Variants in EXOC7 observed in about 807,000 individuals in gnomAD.
The protein encoded by EXOC7 is exocyst complex component Exo70.
EXOC7 carries 51 observed loss-of-function variants against 87.6 expected under a neutral mutation model. The ratio of observed to expected loss-of-function variants is 0.58; its 90% confidence interval spans 0.46 to 0.73. EXOC7 has a LOEUF of 0.73. Ranked by LOEUF, EXOC7 falls within the 30% of genes least tolerant of loss-of-function variation. The probability of loss-of-function intolerance (pLI) is 0.00; values close to 1 mark genes in which losing one functional copy is unlikely to be tolerated. For synonymous variants in EXOC7, 327 were observed against 357.1 expected, an observed-to-expected ratio of 0.92 and a Z score of 0.95; for missense variants, 744 against 888.4, an observed-to-expected ratio of 0.84 and a Z score of 2.07.
At chr17:76,083,954 G>GGCCCC in intron 18 of EXOC7, 52 bp downstream of exon 18, 3 of 1,500,156 alleles carry the variant, frequency 2.0e-6, no homozygotes, top group Non-Finnish European at 2.7e-6. Context: ...AGCTTGAAGA[G>GGCCCC]GCCCACTGGG....
At position 76,103,751 on chromosome 17, in the gene EXOC7, C is replaced by T. The variant is rs1431217722; in HGVS notation, c.-59G>A. ...TCTTTCCTCCGCGGGCCCACCGGGC[C>T]CCCGTCCCCGTCACACCCACTTCCG... On this transcript the variant is annotated 5_prime_UTR_variant, in exon 1 of 19. Transcript: ENST00000589210. The T allele has an allele frequency of 4.6e-6, 7 of 1,529,594 alleles. No individual in the cohort carries two copies. The highest frequency in any genetic ancestry group is 6.2e-6 in the Non-Finnish European group (7 of 1,131,532). The allele number at this position is 1,529,594 out of a possible 1,614,324, so 94.8% of individuals were successfully genotyped here. A position where few individuals can be genotyped will look rare whatever the true frequency, so the allele number is the denominator to read the frequency against.
At chr17:76,083,893 G>A in intron 18 of EXOC7, 113 bp downstream of exon 18, 1 of 1,486,462 alleles carries the variant, frequency 6.7e-7, no homozygotes, top group Non-Finnish European at 9.0e-7. Flanking sequence ...CAGGTCGCTG[G>A]ATCTGCTGCC....
chr17:76,081,881 G>A lies in EXOC7; in HGVS notation c.*1767C>T, dbSNP rs1396522248. 2.5e-5 allele frequency: 40 copies of A among 1,609,164 alleles called. No individual in the cohort carries two copies. The highest frequency in any genetic ancestry group is 3.0e-5 in the Non-Finnish European group (35 of 1,176,908). On this transcript the variant is annotated 3_prime_UTR_variant, in exon 19 of 19. Coordinates refer to ENST00000589210, the MANE Select transcript of EXOC7 (RefSeq NM_001013839.4). ...ATCTCCCTGTGCCCTGCCTCCCCCAGTTTACTACTTCACCATCCTGCTGCT... is the reference window on the plus strand; with the variant it reads ...ATCTCCCTGTGCCCTGCCTCCCCCAATTTACTACTTCACCATCCTGCTGCT...
At chr17:76,101,191 A>G (rs1376205002) in intron 4 of EXOC7, 80 bp downstream of exon 4, 2 of 1,612,522 alleles carry the variant, frequency 1.2e-6, no homozygotes, top group African/African-American at 1.3e-5. Context: ...TACATCCTCA[A>G]GCTGGCTCCA....
At chr17:76,099,464 G>A (rs533677661) in intron 4 of EXOC7, among the ~76,000 whole-genome samples, 8 of 152,214 alleles carry the variant, frequency 5.3e-5, no homozygotes, top group African/African-American at 7.2e-5. Context: ...CCAAGATTGC[G>A]CCATTGTACT....
At chr17:76,087,521 G>A (rs928358929) in intron 12 of EXOC7, 133 bp downstream of exon 12, 1 of 846,552 alleles carries the variant, frequency 1.2e-6, no homozygotes, top group Non-Finnish European at 1.8e-6. Context: ...TCAGCCCCAG[G>A]GACCCTCTGC....
chr17:76,088,323 A>C, intron 10 of EXOC7, 141 bp downstream of exon 10: 1 of 963,886 alleles, frequency 1.0e-6, no homozygotes, highest in South Asian at 1.5e-5. Context: ...AGGAAGGCAC[A>C]TGGGTGCTGA....
chr17:76,084,342 T>C (rs772697122), intron 16 of EXOC7, 53 bp from the exon 17 acceptor site: 1 of 1,612,130 alleles, frequency 6.2e-7, no homozygotes, highest in Non-Finnish European at 8.5e-7. Context: ...CAGAGCAGCC[T>C]TCCCCCACTC....
chr17:76,103,502 T>C (rs963837111), intron 1 of EXOC7, 76 bp from the exon 2 acceptor site: 10 of 1,552,222 alleles, frequency 6.4e-6, no homozygotes, highest in East Asian at 4.6e-5. Flanking sequence ...CCCCACGGCC[T>C]AGCCCCCAAC....
At position 76,085,703 on chromosome 17, in the gene EXOC7, G is replaced by A. The variant is rs777133660; in HGVS notation, c.1590C>T (p.Tyr530=). Residue 530 remains tyrosine, a synonymous_variant, in exon 14 of 19, where the codon TAC becomes TAT. Coordinates refer to ENST00000589210, the MANE Select transcript of EXOC7 (RefSeq NM_001013839.4). ...ALSAIFLHNN[Y]NYILKSLEKS... is the part of the protein sequence containing the mutation. ...TCTCCAGGGACTTGAGGATGTAATTGTAGTTGTTGTGCAGGAAGATGGCGC... is the reference window on the plus strand; with the variant it reads ...TCTCCAGGGACTTGAGGATGTAATTATAGTTGTTGTGCAGGAAGATGGCGC... 1.2e-6 allele frequency: 2 copies of A among 1,614,040 alleles called. No homozygotes were observed. The highest frequency in any genetic ancestry group is 1.7e-6 in the Non-Finnish European group (2 of 1,180,050).
At chr17:76,094,610 G>A (rs775809789) in intron 5 of EXOC7, 29 bp from the exon 6 acceptor site, 6 of 1,595,986 alleles carry the variant, frequency 3.8e-6, no homozygotes, top group East Asian at 4.5e-5. Context: ...ATAGAGGTAC[G>A]GCTGCCAGGC....
rs2067008117 is a variant in EXOC7 at position 76,082,094 on chromosome 17, C to T, written c.*1554G>A. 1 of 1,548,100 alleles carries T rather than the reference C, an allele frequency of 6.5e-7. No individual in the cohort carries two copies. Among genetic ancestry groups the T allele is most frequent in the Non-Finnish European group, 8.7e-7 (1 of 1,151,480 alleles). ...TAAGGAATGAGGCCTAGGTGCACAC[C>T]TAGGGCTGGGGTGAGGGCACGGAGG... On this transcript the variant is annotated 3_prime_UTR_variant, in exon 19 of 19. Transcript: ENST00000589210.
intron 10 of EXOC7, 106 bp from the exon 11 acceptor site, chr17:76,088,228 C>A: frequency 8.2e-7 from 1 of 1,217,196 alleles, no homozygotes; most frequent in East Asian, 2.3e-5. Flanking sequence ...GCTAGGACAC[C>A]TCTCAGGCAC....
At chr17:76,101,231 A>G (rs374487771) in intron 4 of EXOC7, 40 bp downstream of exon 4, 4 of 1,613,930 alleles carry the variant, frequency 2.5e-6, no homozygotes, top group Non-Finnish European at 2.5e-6. Flanking sequence ...GCAGAGACTG[A>G]TATCCCCAAG....
Position 76,081,035 on chromosome 17 carries a change from T to C in EXOC7, c.*2613A>G. 1 of 484,752 alleles carries C rather than the reference T, an allele frequency of 2.1e-6. No individual in the cohort carries two copies. The highest frequency in any genetic ancestry group is 3.8e-6 in the Non-Finnish European group (1 of 264,128). 30.0% of individuals were successfully genotyped at this position (484,752 alleles called of 1,614,324 possible). ...CCATCATGAAGTGGTGCAAAGTACA[T>C]TTATTTTTACAATGAAAGCTCATCT... On this transcript the variant is annotated 3_prime_UTR_variant, in exon 19 of 19. Transcript: ENST00000589210.
At chr17:76,086,344 C>T (rs531260936) in intron 12 of EXOC7, among the ~76,000 whole-genome samples, 199 bp from the exon 13 acceptor site, 15 of 152,218 alleles carry the variant, frequency 9.9e-5, no homozygotes, top group Non-Finnish European at 2.1e-4. Flanking sequence ...CCCAGAGCTG[C>T]CCTCTATGAT....
In EXOC7 at chr17:76,081,897, T is replaced by G; in HGVS notation, c.*1751A>C. 2 of 1,610,574 alleles carry G rather than the reference T, an allele frequency of 1.2e-6. No individual in the cohort carries two copies. Among genetic ancestry groups the G allele is most frequent in the Non-Finnish European group, 1.7e-6 (2 of 1,177,826 alleles). On this transcript the variant is annotated 3_prime_UTR_variant, in exon 19 of 19. Coordinates refer to ENST00000589210, the MANE Select transcript of EXOC7 (RefSeq NM_001013839.4). ...CCTCCCCCAGTTTACTACTTCACCA[T>G]CCTGCTGCTGCTGCTCTTCCTCAGC...
chr17:76,089,245 C>G lies in EXOC7; in HGVS notation c.977G>C (p.Ser326Thr), dbSNP rs150560245. The G allele has an allele frequency of 5.0e-4, 813 of 1,614,014 alleles. 7 individuals carry two copies. Among genetic ancestry groups the G allele is most frequent in the Admixed American group, 1.8e-4 (11 of 60,010 alleles). Residue 326 changes from serine to threonine, a missense_variant, in exon 8 of 19, where the codon AGC (serine) becomes ACC (threonine). By Grantham distance (58) the Ser-to-Thr change is moderately conservative (BLOSUM62 1). Transcript: ENST00000589210. ...CVSAFVKLAQSEYQLLADIIP... is the reference protein window; with the variant it reads ...CVSAFVKLAQTEYQLLADIIP... ...GATGTCGGCCAGCAGCTGGTACTCG[C>G]TCTGCGCCAGCTTGACGAAGGCACT...
intron 7 of EXOC7, 177 bp downstream of exon 7, chr17:76,090,965 AG>A (rs1350577993): frequency 1.5e-6 from 1 of 654,690 alleles, no homozygotes; most frequent in East Asian, 2.6e-5. Flanking sequence ...GACCAGGCCG[AG>A]GGCTGCGAAA....
Sources: allele counts gnomAD v4.1 joint callset (sites outside exome capture counted in the v4.1 genomes callset), GRCh38; gene constraint gnomAD v4.1.1; transcripts MANE v1.5; gene names NCBI Gene and HGNC (gene_info 2026-07-23, HGNC 2026-07-21).